SRD5A2: variants seen among roughly 807,000 people sequenced by gnomAD.
The protein encoded by SRD5A2 is 3-oxo-5-alpha-steroid 4-dehydrogenase 2.
Under a neutral mutation model 27.4 loss-of-function variants are expected in SRD5A2, and 30 were observed. The ratio of observed to expected loss-of-function variants is 1.10; its 90% CI spans 0.82 to 1.49. SRD5A2 has a LOEUF of 1.49. Ranked by LOEUF, SRD5A2 falls within the 40% of genes most tolerant of loss-of-function variation. The pLI is 0.00. For missense variants in SRD5A2, 348 were observed against 323.4 expected (o/e 1.08, Z -0.58); for synonymous variants, 141 against 133.6 (o/e 1.06, Z -0.38).
At chr2:31,652,642 C>T in the SRD5A2 span, among the ~76,000 whole-genome samples, 14 of 152,002 alleles carry the variant, frequency 9.2e-5, no homozygotes, top group East Asian at 5.8e-4. Flanking sequence ...TAATTGGATA[C>T]GGTTGAAATG....
the SRD5A2 span, among the ~76,000 whole-genome samples, chr2:31,632,255 A>G: frequency 6.6e-6 from 1 of 152,202 alleles, no homozygotes; most frequent in East Asian, 1.9e-4. Flanking sequence ...CCACTGCTTG[A>G]GTCATGGCCC....
chr2:31,575,834 G>C (rs1249147150), intron 1 of SRD5A2, among the ~76,000 whole-genome samples: 1 of 152,136 alleles, frequency 6.6e-6, no homozygotes, highest in South Asian at 2.1e-4. Context: ...CAGTTATCAA[G>C]GTCCCATCAA....
the SRD5A2 span, among the ~76,000 whole-genome samples, chr2:31,597,937 C>A: frequency 1.3e-5 from 2 of 152,124 alleles, no homozygotes; most frequent in East Asian, 1.9e-4. Flanking sequence ...TTTGACCCAG[C>A]ACTCCCACTA....
At chr2:31,594,673 AC>A in the SRD5A2 span, among the ~76,000 whole-genome samples, 18 of 152,302 alleles carry the variant, frequency 1.2e-4, 1 homozygote, top group South Asian at 3.7e-3. Flanking sequence ...CAACAAAAAA[AC>A]AGTGGACTTA....
At chr2:31,573,298 T>G (rs1226090149) in intron 1 of SRD5A2, among the ~76,000 whole-genome samples, 1 of 152,246 alleles carries the variant, frequency 6.6e-6, no homozygotes, top group Admixed American at 6.5e-5. Context: ...TTGGTTTCCC[T>G]TCTCTCCCTT....
At chr2:31,594,341 G>A in the SRD5A2 span, among the ~76,000 whole-genome samples, 2 of 152,072 alleles carry the variant, frequency 1.3e-5, no homozygotes, top group African/African-American at 4.8e-5. Context: ...TAAACTTAAA[G>A]TAAAAGTGAG....
intron 1 of SRD5A2, among the ~76,000 whole-genome samples, chr2:31,556,177 C>T (rs567458048): frequency 2.6e-5 from 4 of 152,258 alleles, no homozygotes; most frequent in African/African-American, 9.6e-5. Flanking sequence ...TAAATAGTCA[C>T]TTGTTTGTAT....
chr2:31,529,439 A>G lies in SRD5A2; in HGVS notation c.566T>C (p.Val189Ala), dbSNP rs1665857173. ...CTCACCGAGGAAATTGGCTCCAGAA[A>G]CATACGTAAACAAGCCACCTGCGTG... is the stretch of plus-strand genomic sequence containing the variant. Reference protein sequence around the residue: ...RIPQGGLFTYVSGANFLGEII... With the variant: ...RIPQGGLFTYASGANFLGEII... Residue 189 changes from valine to alanine, a missense_variant, in exon 4 of 5, where the codon GTT (valine) becomes GCT (alanine). Physicochemically the swap from Val to Ala is moderately conservative, Grantham distance 64. Transcript: ENST00000622030. 2.5e-6 allele frequency: 4 copies of G among 1,612,932 alleles called. No homozygotes were observed. In the South Asian group the frequency reaches 4.4e-5, roughly 18 times the overall value.
In SRD5A2 at chr2:31,559,838, ACACACACAC is replaced by A. The variant is rs1558368825; in HGVS notation, c.281+20773_281+20781del. ...CCCATAAGTAAAAGTAAACAAACCCACACACACACACACACACACACACACACACACACA... is the reference window on the plus strand; with the variant it reads ...CCCATAAGTAAAAGTAAACAAACCCAACACACACACACACACACACACACA... On this transcript the variant is annotated intron_variant, in intron 1 of 4. Transcript: ENST00000622030. Among the ~76,000 whole-genome samples, 1,056 of 146,194 alleles carry A rather than the reference ACACACACAC, an allele frequency of 7.2e-3. 14 individuals carry two copies. The highest frequency in any genetic ancestry group is 0.024 in the African/African-American group (946 of 39,574).
rs1310443997 is a variant in SRD5A2, at chr2:31,529,200, T to TA, written c.698+106dup. 7.5e-6 allele frequency: 11 copies of TA among 1,463,768 alleles called. No homozygotes were observed. In the African/African-American group the frequency reaches 1.4e-4, roughly 19 times the overall value. 90.7% of individuals were successfully genotyped at this position (1,463,768 alleles called of 1,614,324 possible). On this transcript the variant is annotated intron_variant, in intron 4 of 4. Coordinates refer to ENST00000622030, the MANE Select transcript of SRD5A2 (RefSeq NM_000348.4). Reference sequence around the variant, plus strand: ...CCAGATTATAGTATCAACCTTCCCTTAAAAAATTAAATATCTTCGGTTTCT... The same window carrying TA: ...CCAGATTATAGTATCAACCTTCCCTTAAAAAAATTAAATATCTTCGGTTTCT...
the SRD5A2 span, among the ~76,000 whole-genome samples, chr2:31,626,452 C>T: frequency 6.6e-6 from 1 of 152,172 alleles, no homozygotes; most frequent in East Asian, 1.9e-4. Flanking sequence ...CAAAGGAATG[C>T]TTCCAGTTTT....
At chr2:31,623,437 A>G in the SRD5A2 span, among the ~76,000 whole-genome samples, 1 of 152,096 alleles carries the variant, frequency 6.6e-6, no homozygotes, top group African/African-American at 2.4e-5. Context: ...AAAAACCTCA[A>G]TTACGTTTCC....
intron 1 of SRD5A2, among the ~76,000 whole-genome samples, chr2:31,548,775 AT>A (rs928198113): frequency 6.6e-6 from 1 of 152,232 alleles, no homozygotes. Context: ...TTGAAGCAAT[AT>A]TTGTGCACAC....
chr2:31,586,780 A>G, the SRD5A2 span, among the ~76,000 whole-genome samples: 1 of 152,138 alleles, frequency 6.6e-6, no homozygotes, highest in African/African-American at 2.4e-5. Flanking sequence ...GGACAGGAAC[A>G]AAAAAACACA....
the SRD5A2 span, among the ~76,000 whole-genome samples, chr2:31,590,190 C>T: frequency 4.3e-5 from 6 of 140,620 alleles, no homozygotes; most frequent in African/African-American, 1.5e-4. Flanking sequence ...TTTCTCTACC[C>T]ACCCTGGCAG....
At chr2:31,652,303 T>TGAA in the SRD5A2 span, among the ~76,000 whole-genome samples, 1 of 152,212 alleles carries the variant, frequency 6.6e-6, no homozygotes, top group African/African-American at 2.4e-5. Context: ...AGGAGAATAC[T>TGAA]GATGTGAAAT....
chr2:31,588,587 TTCA>T, the SRD5A2 span, among the ~76,000 whole-genome samples: 2 of 152,156 alleles, frequency 1.3e-5, no homozygotes, highest in Non-Finnish European at 2.9e-5. Flanking sequence ...GCTGAGGAAT[TTCA>T]TCAACACCAG....
At chr2:31,642,803 T>C in the SRD5A2 span, among the ~76,000 whole-genome samples, 6 of 151,996 alleles carry the variant, frequency 3.9e-5, no homozygotes, top group African/African-American at 1.4e-4. Flanking sequence ...AAAATTGTAT[T>C]CTATATATTC....
chr2:31,558,403 G>C (rs1290372044), intron 1 of SRD5A2, among the ~76,000 whole-genome samples: 1 of 152,190 alleles, frequency 6.6e-6, no homozygotes, highest in East Asian at 1.9e-4. Context: ...TGAGATCAAG[G>C]GGTTGGCAGA....
Sources: gnomAD v4.1 joint callset for allele counts (sites outside exome capture counted in the v4.1 genomes callset) on GRCh38, gnomAD v4.1.1 for gene constraint, MANE v1.5 for transcripts, NCBI Gene and HGNC (gene_info 2026-07-23, HGNC 2026-07-21) for gene names.